CDH4: variants seen among roughly 807,000 people sequenced by gnomAD.
CDH4 encodes the protein cadherin-4.
CDH4 carries 33 observed loss-of-function variants against 86.0 expected under a neutral mutation model. The observed-to-expected ratio is 0.38, with a 90% CI of 0.29 to 0.51. The LOEUF (loss-of-function observed/expected upper bound fraction) is 0.51. Ranked by LOEUF, CDH4 falls within the 20% of genes least tolerant of loss-of-function variation. CDH4 has a pLI of 0.86. For missense variants in CDH4, 1,114 were observed against 1,307.4 expected, an observed-to-expected ratio of 0.85 and a Z score of 2.28; for synonymous variants, 555 against 549.4, an observed-to-expected ratio of 1.01 and a Z score of -0.14.
In CDH4 at chr20:61,684,542, C is replaced by A. The variant is rs753303170; in HGVS notation, c.170-59021C>A. On this transcript the variant is annotated intron_variant, in intron 2 of 15. Coordinates refer to ENST00000614565, the MANE Select transcript of CDH4 (RefSeq NM_001794.5). This position sits in a 1 kb window ranked among gnomAD's most constrained non-coding sequence, Gnocchi z 4.5. ...TCCATATCACACACAAGGTCCAGCC[C>A]CCTGTGTTGTTCTGCAGCTGGGAAT... Among the ~76,000 whole-genome samples the A allele has an allele frequency of 6.6e-6, 1 of 152,174 alleles. No homozygotes were observed. The highest frequency in any genetic ancestry group is 6.5e-5 in the Admixed American group (1 of 15,286).
chr20:61,349,571 G>A lies in CDH4; in HGVS notation c.169+94634G>A, dbSNP rs150488873. On this transcript the variant is annotated intron_variant, in intron 2 of 15. Transcript: ENST00000614565. ...AGCTGGGGTGCTGGCTGATGTCCCC[G>A]TTGCTGGATGCTGCTGGATGTGTAT... is the stretch of plus-strand genomic sequence containing the variant. 3.2e-3 allele frequency among the ~76,000 whole-genome samples: 492 copies of A among 152,304 alleles called. 3 individuals carry two copies. Among genetic ancestry groups the A allele is most frequent in the Middle Eastern group, 0.01 (3 of 294 alleles).
Position 61,897,946 on chromosome 20 carries a change from G to A in CDH4, c.1188+2899G>A, listed in dbSNP as rs150847215. On this transcript the variant is annotated intron_variant, in intron 8 of 15. Transcript: ENST00000614565. Reference sequence around the variant, plus strand: ...TGCAGTCCACTGCTTTGGTCAGGCCGGCGGGGTGACATGCTAGTGGGTGGA... The same window carrying A: ...TGCAGTCCACTGCTTTGGTCAGGCCAGCGGGGTGACATGCTAGTGGGTGGA... 6.5e-3 allele frequency among the ~76,000 whole-genome samples: 983 copies of A among 152,352 alleles called. 9 individuals carry two copies. The highest frequency in any genetic ancestry group is 0.022 in the African/African-American group (919 of 41,576).
chr20:61,700,713 G>T (rs1200753394), intron 2 of CDH4, among the ~76,000 whole-genome samples: 4 of 152,100 alleles, frequency 2.6e-5, no homozygotes, highest in Non-Finnish European at 5.9e-5. Context: ...ACCCTATACG[G>T]CCTCACTGTG....
intron 2 of CDH4, among the ~76,000 whole-genome samples, chr20:61,512,510 A>G (rs1315576994): frequency 1.3e-5 from 2 of 152,170 alleles, no homozygotes; most frequent in Non-Finnish European, 2.9e-5. Flanking sequence ...CCAAAGCCCC[A>G]CTCACATCAT....
intron 2 of CDH4, among the ~76,000 whole-genome samples, chr20:61,343,720 G>A (rs1399133869): frequency 6.6e-6 from 1 of 152,090 alleles, no homozygotes; most frequent in Non-Finnish European, 1.5e-5. Context: ...AAGATGTTAG[G>A]TGCTCTTCTA....
intron 2 of CDH4, among the ~76,000 whole-genome samples, chr20:61,689,145 G>A (rs577072934): frequency 2.2e-4 from 34 of 152,366 alleles, no homozygotes; most frequent in Non-Finnish European, 3.8e-4. Context: ...TCTAAGTAAC[G>A]CAGTTGGGCA....
Position 61,754,618 on chromosome 20 carries a change from G to A in CDH4, c.396+10829G>A, listed in dbSNP as rs557954627. On this transcript the variant is annotated intron_variant, in intron 3 of 15. Coordinates refer to ENST00000614565, the MANE Select transcript of CDH4 (RefSeq NM_001794.5). The surrounding 1 kb of genome is among the most constrained non-coding windows in gnomAD (Gnocchi z 4.7). ...CCGGAACACCACACACACGGTGCAC[G>A]GCACACACACCACACACACACGCCC... Among the ~76,000 whole-genome samples, 17 of 142,386 alleles carry A rather than the reference G, an allele frequency of 1.2e-4. No individual in the cohort carries two copies. Among genetic ancestry groups the A allele is most frequent in the African/African-American group, 3.7e-4 (12 of 32,468 alleles). 93.4% of individuals were successfully genotyped at this position (142,386 alleles called of 152,430 possible).
chr20:61,300,194 G>A (rs1324015692), intron 2 of CDH4, among the ~76,000 whole-genome samples: 6 of 152,140 alleles, frequency 3.9e-5, no homozygotes, highest in African/African-American at 1.4e-4. Flanking sequence ...AGAGGCAGGT[G>A]TGCCACAGCC....
intron 2 of CDH4, among the ~76,000 whole-genome samples, chr20:61,522,967 A>T (rs762835075): frequency 1.3e-5 from 2 of 152,228 alleles, no homozygotes; most frequent in Non-Finnish European, 2.9e-5. Context: ...GTGCCCTGGC[A>T]TCAGGATGTG....
chr20:61,902,303 C>A lies in CDH4; in HGVS notation c.1188+7256C>A, dbSNP rs75360143. ...AACCAGGACCCCCGGGGCCTCCATT[C>A]CAGGAGAAGCAGCCTCACTCTGCCC... On this transcript the variant is annotated intron_variant, in intron 8 of 15. Transcript: ENST00000614565. The surrounding 1 kb of genome is among the most constrained non-coding windows in gnomAD (Gnocchi z 4.6). Among the ~76,000 whole-genome samples, 5,981 of 152,332 alleles carry A rather than the reference C, an allele frequency of 0.039. 151 individuals carry two copies. Among genetic ancestry groups the A allele is most frequent in the Non-Finnish European group, 0.061 (4,177 of 68,022 alleles).
At chr20:61,857,052 G>C (rs985378995) in intron 6 of CDH4, among the ~76,000 whole-genome samples, 7 of 152,242 alleles carry the variant, frequency 4.6e-5, no homozygotes, top group Non-Finnish European at 7.3e-5. Context: ...CTGGGGGTGA[G>C]GGGAGCGTGT....
chr20:61,696,619 G>A (rs2087717722), intron 2 of CDH4, among the ~76,000 whole-genome samples: 2 of 152,180 alleles, frequency 1.3e-5, no homozygotes, highest in African/African-American at 2.4e-5. Flanking sequence ...GGCTTGAGGG[G>A]GTACTCTGGC....
At chr20:61,870,671 A>T (rs1378414916) in intron 6 of CDH4, among the ~76,000 whole-genome samples, 1 of 152,172 alleles carries the variant, frequency 6.6e-6, no homozygotes, top group African/African-American at 2.4e-5. Flanking sequence ...GGGAAGCTGG[A>T]GTGGCTTCTC....
chr20:61,661,711 G>A (rs946892804), intron 2 of CDH4, among the ~76,000 whole-genome samples: 2 of 152,088 alleles, frequency 1.3e-5, no homozygotes, highest in African/African-American at 4.8e-5. Context: ...TTGTTGCAAA[G>A]ACGTCACAGC....
intron 2 of CDH4, among the ~76,000 whole-genome samples, chr20:61,677,875 G>A (rs922267606): frequency 2.2e-5 from 2 of 92,836 alleles, no homozygotes; most frequent in African/African-American, 9.4e-5. Context: ...ATAGATGATG[G>A]ATAGATGATG....
chr20:61,544,437 G>C lies in CDH4; in HGVS notation c.170-199126G>C, dbSNP rs566631798. Among the ~76,000 whole-genome samples the C allele has an allele frequency of 2.4e-4, 37 of 152,100 alleles. No individual in the cohort carries two copies. The highest frequency in any genetic ancestry group is 8.9e-4 in the African/African-American group (37 of 41,494). ...GACTCCTGGTGTTCACTTCGTAGCT[G>C]TTCTGTGGTGGGAGCGCAGTGGGAG... On this transcript the variant is annotated intron_variant, in intron 2 of 15. Transcript: ENST00000614565. The surrounding 1 kb of genome is among the most constrained non-coding windows in gnomAD (Gnocchi z 6.5).
intron 2 of CDH4, among the ~76,000 whole-genome samples, chr20:61,311,681 G>A (rs1264707450): frequency 1.3e-5 from 2 of 152,240 alleles, no homozygotes; most frequent in African/African-American, 4.8e-5. Context: ...CCTATGGGTT[G>A]GATGTATATG....
intron 6 of CDH4, among the ~76,000 whole-genome samples, chr20:61,869,155 A>G (rs1456018868): frequency 1.3e-5 from 2 of 152,230 alleles, no homozygotes; most frequent in Non-Finnish European, 2.9e-5. Flanking sequence ...TGTATACTTT[A>G]AGGTCTTCCC....
At chr20:61,716,160 T>A (rs2087950217) in intron 2 of CDH4, among the ~76,000 whole-genome samples, 1 of 152,072 alleles carries the variant, frequency 6.6e-6, no homozygotes, top group South Asian at 2.1e-4. Flanking sequence ...GGGTAGATGC[T>A]CCTCACCTGT....
Sources: gnomAD v4.1 joint callset for allele counts (sites outside exome capture counted in the v4.1 genomes callset) on GRCh38, gnomAD v4.1.1 for gene constraint, Gnocchi (gnomAD v3.1) non-coding constraint, MANE v1.5 for transcripts, NCBI Gene and HGNC (gene_info 2026-07-23, HGNC 2026-07-21) for gene names.